Variants in CLIC5 observed in about 807,000 individuals in gnomAD.
The protein encoded by CLIC5 is CLIC family member 5.
A neutral mutation model predicts 24.7 loss-of-function variants in CLIC5; 20 were observed. That is an observed-to-expected ratio of 0.81 (90% confidence interval 0.57 to 1.18). The LOEUF (loss-of-function observed/expected upper bound fraction) is 1.18. Ranked by LOEUF, CLIC5 falls within the 50% of genes most tolerant of loss-of-function variation. The pLI is 0.00. For missense variants in CLIC5, 341 were observed against 326.1 expected (o/e 1.05, Z -0.35); for synonymous variants, 159 against 135.6 (o/e 1.17, Z -1.20).
rs755951205 is a variant in CLIC5, at chr6:45,949,307, G to C, written c.248C>G (p.Thr83Arg). The C allele has an allele frequency of 6.2e-7, 1 of 1,614,024 alleles. No individual in the cohort carries two copies. The highest frequency in any genetic ancestry group is 8.5e-7 in the Non-Finnish European group (1 of 1,179,906). The change falls in exon 3 of 6, where the codon ACA becomes AGA. Residue 83 changes from threonine to arginine, a missense_variant. By Grantham distance (71) the Thr-to-Arg change is moderately conservative. Transcript: ENST00000339561. ...PFLTFNGDVK[T>R]DVNKIEEFLE... ...GAACTCCTCGATCTTATTGACGTCT[G>C]TCTTCACGTCCCCGTTGAAGGTCAG... is the stretch of plus-strand genomic sequence containing the variant.
At chr6:46,121,359 T>A in the CLIC5 span, among the ~76,000 whole-genome samples, 1 of 151,992 alleles carries the variant, frequency 6.6e-6, no homozygotes, top group South Asian at 2.1e-4. Context: ...AGAAATAAAA[T>A]CCTTTACAGA....
intron 6 of CLIC5, among the ~76,000 whole-genome samples, chr6:45,886,400 C>G (rs1274011200): frequency 2.6e-5 from 4 of 152,196 alleles, no homozygotes; most frequent in Non-Finnish European, 5.9e-5. Context: ...TCTCATCCGC[C>G]TAAGTCACAC....
chr6:46,091,762 G>C, the CLIC5 span, among the ~76,000 whole-genome samples: 3 of 152,120 alleles, frequency 2.0e-5, no homozygotes, highest in Non-Finnish European at 4.4e-5. Context: ...TTCATCTGTT[G>C]TTGGACAGAG....
At chr6:46,013,335 G>A (rs1182491294) in intron 1 of CLIC5, among the ~76,000 whole-genome samples, 1 of 152,230 alleles carries the variant, frequency 6.6e-6, no homozygotes, top group Admixed American at 6.5e-5. Flanking sequence ...CTGTCAACAA[G>A]GATATTGCTT....
intron 1 of CLIC5, among the ~76,000 whole-genome samples, chr6:45,974,077 TAAG>T (rs886408463): frequency 2.0e-5 from 3 of 152,154 alleles, no homozygotes; most frequent in African/African-American, 7.2e-5. Context: ...GACAAAGTAA[TAAG>T]AACAGTGTGA....
intron 5 of CLIC5, 88 bp downstream of exon 5, chr6:45,914,140 T>C (rs2127309991): frequency 1.9e-6 from 2 of 1,072,462 alleles, no homozygotes; most frequent in Non-Finnish European, 2.5e-6. Context: ...GACCAACAGG[T>C]GGTACTGTCC....
At chr6:46,100,544 TC>T in the CLIC5 span, among the ~76,000 whole-genome samples, 1 of 152,112 alleles carries the variant, frequency 6.6e-6, no homozygotes, top group Admixed American at 6.5e-5. Flanking sequence ...GAAATGCCAC[TC>T]CCCGGTCTTA....
chr6:46,086,224 C>T, the CLIC5 span, among the ~76,000 whole-genome samples: 16 of 152,372 alleles, frequency 1.1e-4, no homozygotes, highest in African/African-American at 3.1e-4. Context: ...CGCCCTGCTT[C>T]GGCTCGTGCA....
the CLIC5 span, among the ~76,000 whole-genome samples, chr6:46,120,362 G>C: frequency 6.6e-6 from 1 of 152,214 alleles, no homozygotes; most frequent in African/African-American, 2.4e-5. Context: ...CATACCTGCA[G>C]CTGAGGGTCC....
intron 4 of CLIC5, among the ~76,000 whole-genome samples, chr6:45,933,102 G>T (rs916287230): frequency 2.0e-5 from 3 of 152,186 alleles, no homozygotes; most frequent in Admixed American, 6.5e-5. Flanking sequence ...GAGCTTCCAG[G>T]TTCCAGAAAG....
At chr6:46,045,617 T>A (rs2127462553) in intron 1 of CLIC5, among the ~76,000 whole-genome samples, 1 of 152,332 alleles carries the variant, frequency 6.6e-6, no homozygotes, top group African/African-American at 2.4e-5. Flanking sequence ...TGGCTCCCTG[T>A]TTGATCAAAC....
At chr6:46,120,578 C>T in the CLIC5 span, among the ~76,000 whole-genome samples, 134 of 152,270 alleles carry the variant, frequency 8.8e-4, no homozygotes, top group African/African-American at 3.0e-3. Context: ...CAAAGCTGGA[C>T]GGAGAATAAC....
intron 1 of CLIC5, among the ~76,000 whole-genome samples, chr6:45,981,533 A>G (rs1765568066): frequency 6.6e-6 from 1 of 152,234 alleles, no homozygotes; most frequent in Non-Finnish European, 1.5e-5. Context: ...TGGATATTAC[A>G]TTCCTTTTCT....
At position 46,004,478 on chromosome 6, in the gene CLIC5, A is replaced by G. The variant is rs9472658; in HGVS notation, c.63+11002T>C. Among the ~76,000 whole-genome samples the G allele has an allele frequency of 5.0e-3, 761 of 152,302 alleles. 5 individuals carry two copies. The highest frequency in any genetic ancestry group is 0.018 in the African/African-American group (732 of 41,562). On this transcript the variant is annotated intron_variant, in intron 1 of 5. Coordinates refer to ENST00000339561, the MANE Select transcript of CLIC5 (RefSeq NM_016929.5). Reference sequence around the variant, plus strand: ...CTGGCTGACTGTAGAGAGCCCAGCAAAGGAGTTGGCCGTCCCGCAGGGTGG... The same window carrying G: ...CTGGCTGACTGTAGAGAGCCCAGCAGAGGAGTTGGCCGTCCCGCAGGGTGG...
chr6:45,909,651 G>A (rs1762759569), intron 5 of CLIC5, among the ~76,000 whole-genome samples: 1 of 152,190 alleles, frequency 6.6e-6, no homozygotes, highest in African/African-American at 2.4e-5. Context: ...TCTGCTGTTA[G>A]CCTGATGGGG....
At chr6:46,124,381 T>C in the CLIC5 span, among the ~76,000 whole-genome samples, 2 of 152,218 alleles carry the variant, frequency 1.3e-5, no homozygotes, top group Non-Finnish European at 2.9e-5. Context: ...GCCAGCCATA[T>C]GTAGAAAGCT....
chr6:46,045,303 G>A (rs1047400752), intron 1 of CLIC5, among the ~76,000 whole-genome samples: 2 of 151,902 alleles, frequency 1.3e-5, no homozygotes, highest in African/African-American at 2.4e-5. Flanking sequence ...TTTACCACCT[G>A]GTACAACATA....
In CLIC5 at chr6:45,989,690, G is replaced by A. The variant is rs558115189; in HGVS notation, c.63+25790C>T. On this transcript the variant is annotated intron_variant, in intron 1 of 5. Coordinates refer to ENST00000339561, the MANE Select transcript of CLIC5 (RefSeq NM_016929.5). The stretch of plus-strand genomic sequence containing the variant: ...TAGGGAATATTAAAATTTACCAGAA[G>A]TTAGCTGGGGCAAGGTAGGCATCCC... Among the ~76,000 whole-genome samples, 11 of 152,304 alleles carry A rather than the reference G, an allele frequency of 7.2e-5. No homozygotes were observed. In the South Asian group the frequency reaches 2.3e-3, roughly 32 times the overall value.
the CLIC5 span, among the ~76,000 whole-genome samples, chr6:46,095,438 A>C: frequency 6.6e-6 from 1 of 152,198 alleles, no homozygotes; most frequent in Non-Finnish European, 1.5e-5. Flanking sequence ...GCTCATGTAT[A>C]TGAACATAAG....
Sources: gnomAD v4.1 joint callset for allele counts (sites outside exome capture counted in the v4.1 genomes callset) on GRCh38, gnomAD v4.1.1 for gene constraint, MANE v1.5 for transcripts, NCBI Gene and HGNC (gene_info 2026-07-23, HGNC 2026-07-21) for gene names.